PTCD3: variants seen among roughly 807,000 people sequenced by gnomAD.
PTCD3 encodes pentatricopeptide repeat domain 3.
In PTCD3, 89 loss-of-function variants were observed where a neutral mutation model predicts 101.9. The observed-to-expected ratio is 0.87, with a 90% CI of 0.74 to 1.04. PTCD3 has a LOEUF of 1.04. Among genes scored for constraint, PTCD3 ranks in the 50% least tolerant of loss-of-function variants. PTCD3 has a pLI of 0.00. For synonymous variants in PTCD3, 296 were observed against 278.5 expected (o/e 1.06, Z -0.63); for missense variants, 870 against 828.2 (o/e 1.05, Z -0.62).
At chr2:86,137,347 C>T in intron 23 of PTCD3, 122 bp from the exon 24 acceptor site, 1 of 1,411,958 alleles carries the variant, frequency 7.1e-7, no homozygotes, top group Non-Finnish European at 9.5e-7. Context: ...TAGTTTAATG[C>T]AACTGCAGGG....
In PTCD3 at chr2:86,117,122, A is replaced by T. The variant is rs758708550; in HGVS notation, c.377A>T (p.Lys126Ile). ...VAKFIINSYP[K>I]YFQKDIAEPH... is the part of the protein sequence containing the mutation. The stretch of plus-strand genomic sequence containing the variant: ...AAGTTTATTATTAATTCATACCCCA[A>T]ATATTTTCAGAAGGACATAGCTGAA... The change falls in exon 6 of 24, where the codon AAA becomes ATA. Residue 126 changes from lysine to isoleucine, a missense_variant. Transcript: ENST00000254630. 6.8e-7 allele frequency: 1 copy of T among 1,461,596 alleles called. No individual in the cohort carries two copies. The highest frequency in any genetic ancestry group is 1.1e-5 in the South Asian group (1 of 87,728). 90.5% of individuals were successfully genotyped at this position (1,461,596 alleles called of 1,614,324 possible). A position where few individuals can be genotyped will look rare whatever the true frequency, so the allele number is the denominator to read the frequency against.
At chr2:86,128,270 TTTTTTTTTTTG>T (rs910915341) in intron 14 of PTCD3, among the ~76,000 whole-genome samples, 46 of 151,858 alleles carry the variant, frequency 3.0e-4, no homozygotes, top group African/African-American at 9.9e-4. Flanking sequence ...TGATTTTTTT[TTTTTTTTTTTG>T]GACAGGGTCT....
At chr2:86,136,394 C>A in intron 21 of PTCD3, 127 bp from the exon 22 acceptor site, 1 of 896,392 alleles carries the variant, frequency 1.1e-6, no homozygotes, top group South Asian at 1.6e-5. Context: ...AGATGTGTGT[C>A]TTTGGGAGCT....
intron 19 of PTCD3, among the ~76,000 whole-genome samples, chr2:86,133,967 C>T (rs1303125234): frequency 6.6e-6 from 1 of 152,196 alleles, no homozygotes; most frequent in South Asian, 2.1e-4. Flanking sequence ...TAGTCCCGCC[C>T]TCCTGCTTCA....
chr2:86,136,981 GAAGT>G lies in PTCD3; in HGVS notation c.1821_1824del (p.Glu609CysfsTer2), dbSNP rs774899466. The G allele has an allele frequency of 3.7e-6, 6 of 1,612,944 alleles. No individual in the cohort carries two copies. Among genetic ancestry groups the G allele is most frequent in the Admixed American group, 1.7e-5 (1 of 59,976 alleles). ...GTTCACACTTTGCCTTTCTTTTACA[GAAGT>G]GAGTTGCTGAATGAGCTTATGGACA... On this transcript the variant is annotated frameshift_variant and splice_region_variant, in exon 23 of 24. Coordinates refer to ENST00000254630, the MANE Select transcript of PTCD3 (RefSeq NM_017952.6). LOFTEE classifies it high-confidence loss of function.
chr2:86,111,249 T>G (rs1558793168), intron 4 of PTCD3, 91 bp downstream of exon 4: 1 of 1,112,318 alleles, frequency 9.0e-7, no homozygotes, highest in East Asian at 2.4e-5. Context: ...TACTCATACC[T>G]CGTCATTACT....
chr2:86,135,743 G>A (rs1235950941), intron 21 of PTCD3: 3 of 335,478 alleles, frequency 8.9e-6, no homozygotes, highest in Non-Finnish European at 1.7e-5. Flanking sequence ...AGGAAAAGAT[G>A]ATGAAGGCTT....
intron 6 of PTCD3, among the ~76,000 whole-genome samples, chr2:86,118,389 T>A (rs1215177878): frequency 6.6e-6 from 1 of 152,182 alleles, no homozygotes; most frequent in Non-Finnish European, 1.5e-5. Context: ...ACTCATCATA[T>A]CTAAACTGCT....
Position 86,125,782 on chromosome 2 carries a change from T to C in PTCD3, c.866-13T>C. The C allele has an allele frequency of 6.4e-7, 1 of 1,567,298 alleles. No individual in the cohort carries two copies. Among genetic ancestry groups the C allele is most frequent in the Admixed American group, 1.8e-5 (1 of 56,320 alleles). ...TCTTCAACCCCAAATTTTATCATTTTATTATTTTACAGCTGATGTATACAC... is the reference window on the plus strand; with the variant it reads ...TCTTCAACCCCAAATTTTATCATTTCATTATTTTACAGCTGATGTATACAC... On this transcript the variant is annotated splice_polypyrimidine_tract_variant and intron_variant, in intron 11 of 23. Transcript: ENST00000254630.
Position 86,127,257 on chromosome 2 carries a change from A to G in PTCD3, c.1048A>G (p.Arg350Gly). 2 of 1,614,158 alleles carry G rather than the reference A, an allele frequency of 1.2e-6. No homozygotes were observed. Among genetic ancestry groups the G allele is most frequent in the South Asian group, 1.1e-5 (1 of 91,084 alleles). Residue 350 changes from arginine to glycine, a missense_variant, in exon 13 of 24, where the codon AGA (arginine) becomes GGA (glycine). Transcript: ENST00000254630. ...TCTCCGAAGATTTCATGTGTTTGCA[A>G]GATCGCCAGCCTTACAGGTTTTACG... ...KCLRRFHVFA[R>G]SPALQVLREM...
intron 20 of PTCD3, 50 bp downstream of exon 20, chr2:86,134,427 T>C (rs750128384): frequency 1.4e-6 from 2 of 1,467,646 alleles, no homozygotes; most frequent in South Asian, 2.3e-5. Context: ...TGAGGTCTTC[T>C]TAAGGCTAGC....
At chr2:86,137,352 G>T in intron 23 of PTCD3, 117 bp from the exon 24 acceptor site, 3 of 1,437,506 alleles carry the variant, frequency 2.1e-6, no homozygotes, top group Non-Finnish European at 2.8e-6. Context: ...TAATGCAACT[G>T]CAGGGTCCCT....
In PTCD3 at chr2:86,134,915, A is replaced by C; in HGVS notation, c.1706A>C (p.Gln569Pro). ...AGCCAACCCATCAGACAGACTGCTC[A>C]GGATTGGCCAGCCACCTCTCTCAAC... Reference protein sequence around the residue: ...YESQPIRQTAQDWPATSLNCI... With the variant: ...YESQPIRQTAPDWPATSLNCI... Residue 569 changes from glutamine (Q) to proline (P), a missense_variant, in exon 21 of 24, where the codon CAG becomes CCG. Transcript: ENST00000254630. 1.2e-6 allele frequency: 2 copies of C among 1,614,202 alleles called. No individual in the cohort carries two copies. The highest frequency in any genetic ancestry group is 1.7e-6 in the Non-Finnish European group (2 of 1,180,014).
chr2:86,107,811 G>T (rs544012708), intron 1 of PTCD3, among the ~76,000 whole-genome samples: 1 of 152,194 alleles, frequency 6.6e-6, no homozygotes, highest in Non-Finnish European at 1.5e-5. Flanking sequence ...GGCAGTATCT[G>T]TATAGAAGCA....
At chr2:86,116,134 CATGTATAT>C (rs1311913850) in intron 4 of PTCD3, among the ~76,000 whole-genome samples, 1 of 152,168 alleles carries the variant, frequency 6.6e-6, no homozygotes, top group Non-Finnish European at 1.5e-5. Context: ...TCTATATATA[CATGTATAT>C]ATGCCCACAC....
intron 17 of PTCD3, chr2:86,132,956 A>G: frequency 1.7e-6 from 1 of 602,008 alleles, no homozygotes; most frequent in Non-Finnish European, 2.8e-6. Context: ...CTAAGAGTAT[A>G]CAGAGGAAAC....
chr2:86,121,608 G>A lies in PTCD3; in HGVS notation c.654+14G>A. The A allele has an allele frequency of 6.5e-7, 1 of 1,529,786 alleles. No homozygotes were observed. Among genetic ancestry groups the A allele is most frequent in the South Asian group, 1.2e-5 (1 of 83,470 alleles). 94.8% of individuals were successfully genotyped at this position (1,529,786 alleles called of 1,614,324 possible). ...TCAGAAGCATTGGTAATAACTGTTG[G>A]CCTTGATTTTTTTTTTTCCTTAAGC... On this transcript the variant is annotated intron_variant, in intron 8 of 23. Coordinates refer to ENST00000254630, the MANE Select transcript of PTCD3 (RefSeq NM_017952.6).
At chr2:86,106,442 A>G (rs565067595) in intron 1 of PTCD3, 91 bp downstream of exon 1, 1 of 1,367,928 alleles carries the variant, frequency 7.3e-7, no homozygotes, top group South Asian at 1.3e-5. Flanking sequence ...GCACGATGAA[A>G]TGGTTTGCTC....
chr2:86,125,455 C>A lies in PTCD3; in HGVS notation c.805C>A (p.His269Asn), dbSNP rs768457917. ...YCTMIRGMVK[H>N]RAYEQALNLY... Reference sequence around the variant, plus strand: ...TGATGCTTAATTTTTCCTTTTCCAGCACCGAGCTTATGAGCAGGCATTAAA... The same window carrying A: ...TGATGCTTAATTTTTCCTTTTCCAGAACCGAGCTTATGAGCAGGCATTAAA... Residue 269 changes from histidine (H) to asparagine (N), a missense_variant and splice_region_variant, in exon 11 of 24, where the codon CAC becomes AAC. Transcript: ENST00000254630. The A allele has an allele frequency of 6.2e-7, 1 of 1,612,500 alleles. No homozygotes were observed. Among genetic ancestry groups the A allele is most frequent in the Non-Finnish European group, 8.5e-7 (1 of 1,178,492 alleles).
Sources: gnomAD v4.1 joint callset for allele counts (sites outside exome capture counted in the v4.1 genomes callset) on GRCh38, gnomAD v4.1.1 for gene constraint, MANE v1.5 for transcripts, NCBI Gene and HGNC (gene_info 2026-07-23, HGNC 2026-07-21) for gene names.